Variants in ALPK2 observed in about 807,000 individuals in gnomAD.
ALPK2 encodes alpha-protein kinase 2.
In ALPK2, 127 loss-of-function variants were observed where a neutral mutation model predicts 163.1. That is an observed-to-expected ratio of 0.78 (90% CI 0.67 to 0.90). ALPK2 has a LOEUF of 0.90. Among genes scored for constraint, ALPK2 ranks in the 40% least tolerant of loss-of-function variants. The probability of loss-of-function intolerance (pLI) is 0.00; values close to 1 mark genes in which losing one functional copy is unlikely to be tolerated. For missense variants in ALPK2, 2,360 were observed against 2,589.6 expected (o/e 0.91, Z 1.92); for synonymous variants, 953 against 959.1 (o/e 0.99, Z 0.12).
chr18:58,518,237 A>C lies in ALPK2; in HGVS notation c.5666-1055T>G, dbSNP rs564998424. 5.9e-5 allele frequency among the ~76,000 whole-genome samples: 9 copies of C among 152,318 alleles called. No homozygotes were observed. The East Asian group carries it at 1.5e-3, about 26-fold the overall frequency. ...CAGGAAATATTTTTCTCTTCTTTTC[A>C]AAATATTTAAAATCATACGATTTGA... On this transcript the variant is annotated intron_variant, in intron 8 of 12. Coordinates refer to ENST00000361673, the MANE Select transcript of ALPK2 (RefSeq NM_052947.4).
At position 58,621,444 on chromosome 18, in the gene ALPK2, T is replaced by C. The variant is rs574832274; in HGVS notation, c.-21+7320A>G. Reference sequence around the variant, plus strand: ...CCGCCACAATGCCCGGCTAATTGTTTGTATTTTTAGTAGAGACAGGGTTTC... The same window carrying C: ...CCGCCACAATGCCCGGCTAATTGTTCGTATTTTTAGTAGAGACAGGGTTTC... On this transcript the variant is annotated intron_variant, in intron 1 of 12. Coordinates refer to ENST00000361673, the MANE Select transcript of ALPK2 (RefSeq NM_052947.4). Among the ~76,000 whole-genome samples, 28 of 152,216 alleles carry C rather than the reference T, an allele frequency of 1.8e-4. No individual in the cohort carries two copies. In the South Asian group the frequency reaches 5.4e-3, roughly 29 times the overall value.
At chr18:58,624,202 C>G (rs2144244735) in intron 1 of ALPK2, among the ~76,000 whole-genome samples, 1 of 152,258 alleles carries the variant, frequency 6.6e-6, no homozygotes, top group African/African-American at 2.4e-5. Flanking sequence ...CAGGGGTGAC[C>G]AAGTCAGTGC....
chr18:58,552,608 C>T (rs955299562), intron 4 of ALPK2, among the ~76,000 whole-genome samples: 2 of 152,174 alleles, frequency 1.3e-5, no homozygotes, highest in Non-Finnish European at 2.9e-5. Flanking sequence ...TGTTGAAAGC[C>T]GTCTATGTTC....
intron 4 of ALPK2, among the ~76,000 whole-genome samples, chr18:58,577,046 A>C (rs1363263783): frequency 1.3e-5 from 2 of 152,206 alleles, no homozygotes; most frequent in African/African-American, 2.4e-5. Flanking sequence ...GTGGGTATAT[A>C]GTGATGAATG....
chr18:58,546,030 G>T (rs890423292), intron 4 of ALPK2, among the ~76,000 whole-genome samples: 1 of 152,184 alleles, frequency 6.6e-6, no homozygotes. Context: ...AAGCTTAAAG[G>T]CAAGCTAGAA....
At chr18:58,588,710 T>C (rs983857905) in intron 3 of ALPK2, among the ~76,000 whole-genome samples, 2 of 152,198 alleles carry the variant, frequency 1.3e-5, no homozygotes, top group African/African-American at 4.8e-5. Flanking sequence ...CCTGTATTAG[T>C]TTGCTGAGGA....
At chr18:58,487,296 A>T (rs1308719946) in intron 12 of ALPK2, among the ~76,000 whole-genome samples, 1 of 152,204 alleles carries the variant, frequency 6.6e-6, no homozygotes, top group African/African-American at 2.4e-5. Flanking sequence ...TGTTGGAGAC[A>T]TAAGTTAAAG....
intron 3 of ALPK2, among the ~76,000 whole-genome samples, chr18:58,597,941 G>A (rs968452514): frequency 6.6e-6 from 1 of 152,212 alleles, no homozygotes; most frequent in East Asian, 1.9e-4. Flanking sequence ...TAGTGAGAAG[G>A]CAGCTTCTGC....
At chr18:58,556,169 T>TCA (rs33920285) in intron 4 of ALPK2, among the ~76,000 whole-genome samples, 3,818 of 149,090 alleles carry the variant, frequency 0.026, 76 homozygotes, top group East Asian at 0.092. Context: ...GGACTAGATC[T>TCA]CACACACACA....
At chr18:58,626,805 G>A (rs11664114) in intron 1 of ALPK2, among the ~76,000 whole-genome samples, 51,286 of 151,368 alleles carry the variant, frequency 0.34, 10,943 homozygotes, top group African/African-American at 0.61. Flanking sequence ...GTGTTATGTT[G>A]TATTGCACTG....
intron 4 of ALPK2, among the ~76,000 whole-genome samples, chr18:58,553,944 C>G (rs1361794390): frequency 7.1e-6 from 1 of 141,338 alleles, no homozygotes; most frequent in Non-Finnish European, 1.5e-5. Context: ...TCACTGAAAC[C>G]TCTGCCTCCC....
intron 10 of ALPK2, 57 bp from the exon 11 acceptor site, chr18:58,504,205 C>T: frequency 7.1e-7 from 1 of 1,416,860 alleles, no homozygotes; most frequent in Non-Finnish European, 9.9e-7. Flanking sequence ...AGAGAGGCTC[C>T]TGCGGCATTC....
At chr18:58,531,799 ATGG>A (rs2051616415) in intron 5 of ALPK2, among the ~76,000 whole-genome samples, 1 of 151,704 alleles carries the variant, frequency 6.6e-6, no homozygotes, top group Non-Finnish European at 1.5e-5. Context: ...TTAGCTGGGC[ATGG>A]TGGTGCACAC....
At chr18:58,625,885 T>C (rs529970279) in intron 1 of ALPK2, among the ~76,000 whole-genome samples, 1 of 152,362 alleles carries the variant, frequency 6.6e-6, no homozygotes, top group East Asian at 1.9e-4. Flanking sequence ...GTTTTGTCTA[T>C]TTGGCCCATG....
At chr18:58,588,135 A>G (rs1446627346) in intron 3 of ALPK2, among the ~76,000 whole-genome samples, 2 of 152,224 alleles carry the variant, frequency 1.3e-5, no homozygotes, top group Admixed American at 1.3e-4. Flanking sequence ...TATATTTCCC[A>G]TTTTATTACA....
intron 4 of ALPK2, among the ~76,000 whole-genome samples, chr18:58,553,917 A>T (rs1443803070): frequency 1.7e-5 from 2 of 115,076 alleles, no homozygotes; most frequent in Admixed American, 2.7e-4. Flanking sequence ...GCTAGAGTGC[A>T]GTGGCATGAT....
intron 4 of ALPK2, among the ~76,000 whole-genome samples, chr18:58,562,682 A>G (rs2051831036): frequency 6.6e-6 from 1 of 152,230 alleles, no homozygotes; most frequent in South Asian, 2.1e-4. Context: ...TCAGGCTGCT[A>G]TCACAAAGGG....
intron 5 of ALPK2, among the ~76,000 whole-genome samples, chr18:58,532,329 C>A (rs1345062496): frequency 6.6e-6 from 1 of 152,204 alleles, no homozygotes; most frequent in Non-Finnish European, 1.5e-5. Flanking sequence ...AAAATCCCCA[C>A]ACGAGAGGGG....
intron 3 of ALPK2, among the ~76,000 whole-genome samples, chr18:58,590,669 A>G (rs962675702): frequency 3.3e-5 from 5 of 152,128 alleles, no homozygotes; most frequent in Non-Finnish European, 5.9e-5. Context: ...AAGCCCCAAA[A>G]CTATGTTTGT....
Sources: allele counts gnomAD v4.1 joint callset (sites outside exome capture counted in the v4.1 genomes callset), GRCh38; gene constraint gnomAD v4.1.1; transcripts MANE v1.5; gene names NCBI Gene and HGNC (gene_info 2026-07-23, HGNC 2026-07-21).